Variants in SDF4 observed in about 807,000 individuals in gnomAD.
SDF4 encodes stromal cell derived factor 4, also known as 45 kDa calcium-binding protein.
A neutral mutation model predicts 34.2 loss-of-function variants in SDF4; 22 were observed. The observed-to-expected ratio is 0.64, with a 90% CI of 0.46 to 0.92. The LOEUF (loss-of-function observed/expected upper bound fraction) is 0.92. Ranked by LOEUF, SDF4 falls within the 40% of genes least tolerant of loss-of-function variation. SDF4 has a pLI of 0.00. For synonymous variants in SDF4, 236 were observed against 203.1 expected, an observed-to-expected ratio of 1.16 and a Z score of -1.38; for missense variants, 447 against 499.9, an observed-to-expected ratio of 0.89 and a Z score of 1.01.
chr1:1,221,716 T>G (rs896753768), intron 4 of SDF4, among the ~76,000 whole-genome samples: 1 of 152,132 alleles, frequency 6.6e-6, no homozygotes, highest in South Asian at 2.1e-4. Flanking sequence ...ATCCCAGCAC[T>G]TTGGGAGACT....
At chr1:1,222,843 C>A (rs1414163751) in intron 4 of SDF4, among the ~76,000 whole-genome samples, 1 of 152,262 alleles carries the variant, frequency 6.6e-6, no homozygotes, top group Non-Finnish European at 1.5e-5. Context: ...GCTGTTAAGA[C>A]GAACACGTGT....
chr1:1,225,000 G>A (rs748092141), intron 2 of SDF4, among the ~76,000 whole-genome samples: 4 of 152,326 alleles, frequency 2.6e-5, no homozygotes, highest in Non-Finnish European at 4.4e-5. Flanking sequence ...TTGTGTGCAA[G>A]GATGGAAGAG....
chr1:1,229,182 C>T (rs1638415474), intron 1 of SDF4, among the ~76,000 whole-genome samples: 1 of 152,146 alleles, frequency 6.6e-6, no homozygotes, highest in Admixed American at 6.5e-5. Context: ...CTCCGGACCA[C>T]ACGTGGTGTT....
In SDF4 at chr1:1,217,910, G is replaced by A. The variant is rs1379288402; in HGVS notation, c.892-222C>T. On this transcript the variant is annotated intron_variant, in intron 6 of 6. Coordinates refer to ENST00000360001, the MANE Select transcript of SDF4 (RefSeq NM_016176.6). The surrounding 1 kb of genome is among the most constrained non-coding windows in gnomAD (Gnocchi z 8.5). ...GGCCAGCAGGGGTAACGGGGCACAG[G>A]GGCTACACAGGCCTGGACCCCAGTT... is the stretch of plus-strand genomic sequence containing the variant. 2 of 1,257,078 alleles carry A rather than the reference G, an allele frequency of 1.6e-6. No individual in the cohort carries two copies. Among genetic ancestry groups the A allele is most frequent in the Non-Finnish European group, 1.1e-6 (1 of 937,386 alleles). 77.9% of individuals were successfully genotyped at this position (1,257,078 alleles called of 1,614,324 possible).
intron 4 of SDF4, chr1:1,219,206 C>CA: frequency 1.6e-6 from 2 of 1,258,182 alleles, no homozygotes; most frequent in South Asian, 1.5e-5. Context: ...AGCCTGGACC[C>CA]CCCCCTGCCC....
chr1:1,218,055 G>C lies in SDF4; in HGVS notation c.892-367C>G, dbSNP rs1475316639. ...AAAAACAAGCCTACACATGATACCA[G>C]TGAAAACGCTTCAGAGGAAGGTGGT... On this transcript the variant is annotated intron_variant, in intron 6 of 6. Transcript: ENST00000360001. This position sits in a 1 kb window ranked among gnomAD's most constrained non-coding sequence, Gnocchi z 7.9. 1.3e-5 allele frequency among the ~76,000 whole-genome samples: 2 copies of C among 152,356 alleles called. No homozygotes were observed. The highest frequency in any genetic ancestry group is 2.4e-5 in the African/African-American group (1 of 41,582).
intron 2 of SDF4, among the ~76,000 whole-genome samples, chr1:1,224,683 G>A (rs1223728504): frequency 6.6e-6 from 1 of 152,234 alleles, no homozygotes; most frequent in Admixed American, 6.5e-5. Flanking sequence ...GGCTAAGACA[G>A]GTGGATCACT....
At chr1:1,221,049 C>G (rs944369) in intron 4 of SDF4, 130,580 of 327,128 alleles carry the variant, frequency 0.4, 34,628 homozygotes, top group East Asian at 1. Flanking sequence ...TAGCCCAGGA[C>G]TTTGAGACCA....
intron 2 of SDF4, among the ~76,000 whole-genome samples, chr1:1,227,893 G>C (rs977239876): frequency 6.6e-6 from 1 of 152,160 alleles, no homozygotes; most frequent in African/African-American, 2.4e-5. Flanking sequence ...GACGGCCAAG[G>C]ATGGGCCACT....
intron 2 of SDF4, among the ~76,000 whole-genome samples, chr1:1,226,585 C>CAG (rs1375993164): frequency 1.9e-4 from 29 of 152,010 alleles, no homozygotes; most frequent in African/African-American, 7.0e-4. Flanking sequence ...AGGGACGGGG[C>CAG]CCTACGCAGG....
At chr1:1,220,848 C>T (rs529627704) in intron 4 of SDF4, 7 of 966,240 alleles carry the variant, frequency 7.2e-6, no homozygotes, top group East Asian at 1.2e-4. Flanking sequence ...GCCGGACCAA[C>T]GGGATGAAGC....
At chr1:1,224,310 C>T (rs1638228126) in intron 2 of SDF4, among the ~76,000 whole-genome samples, 6 of 152,184 alleles carry the variant, frequency 3.9e-5, no homozygotes, top group Admixed American at 3.9e-4. Flanking sequence ...GATGGAGTCT[C>T]ACTCTGTCAC....
intron 4 of SDF4, among the ~76,000 whole-genome samples, chr1:1,221,805 C>T (rs1439203163): frequency 6.6e-6 from 1 of 152,086 alleles, no homozygotes; most frequent in Non-Finnish European, 1.5e-5. Flanking sequence ...ACAAAAAATA[C>T]AAAAATTAGC....
At chr1:1,230,402 G>A (rs528936479) in intron 1 of SDF4, among the ~76,000 whole-genome samples, 5 of 152,240 alleles carry the variant, frequency 3.3e-5, no homozygotes, top group East Asian at 1.9e-4. Flanking sequence ...CACAAACCAA[G>A]AGGGGTACAA....
At chr1:1,222,325 C>T (rs79339398) in intron 4 of SDF4, among the ~76,000 whole-genome samples, 2 of 152,154 alleles carry the variant, frequency 1.3e-5, no homozygotes, top group South Asian at 2.1e-4. Flanking sequence ...GACCTGGCCC[C>T]GTGCAGGGTG....
At position 1,219,224 on chromosome 1, in the gene SDF4, C is replaced by T. The variant is rs187803327; in HGVS notation, c.557-297G>A. 8.0e-4 allele frequency: 993 copies of T among 1,236,454 alleles called. 18 individuals are homozygous for T. The African/African-American group carries it at 0.015, about 18-fold the overall frequency. The allele number at this position is 1,236,454 out of a possible 1,614,324, so 76.6% of individuals were successfully genotyped here. On this transcript the variant is annotated intron_variant, in intron 4 of 6. Coordinates refer to ENST00000360001, the MANE Select transcript of SDF4 (RefSeq NM_016176.6). ...CTGGACCCCCCCCTGCCCCAGACCC[C>T]CAATACATGGATGGCCCTGACTCCC... is the stretch of plus-strand genomic sequence containing the variant.
Position 1,217,434 on chromosome 1 carries a change from G to C in SDF4, c.*78C>G. On this transcript the variant is annotated 3_prime_UTR_variant, in exon 7 of 7. Coordinates refer to ENST00000360001, the MANE Select transcript of SDF4 (RefSeq NM_016176.6). The surrounding 1 kb of genome is among the most constrained non-coding windows in gnomAD (Gnocchi z 8.5). ...GCGGCAGGGAAGAGGTGGGGTCCGG[G>C]ACAGCCACGGAGCCCGGAGTCACCC... The C allele has an allele frequency of 8.0e-7, 1 of 1,257,638 alleles. No individual in the cohort carries two copies. Among genetic ancestry groups the C allele is most frequent in the Non-Finnish European group, 1.0e-6 (1 of 977,654 alleles). The allele number at this position is 1,257,638 out of a possible 1,614,324, so 77.9% of individuals were successfully genotyped here. A position where few individuals can be genotyped will look rare whatever the true frequency, so the allele number is the denominator to read the frequency against.
At chr1:1,220,896 G>T in intron 4 of SDF4, 1 of 525,250 alleles carries the variant, frequency 1.9e-6, no homozygotes, top group Non-Finnish European at 3.2e-6. Context: ...ACGCGGGACC[G>T]GGGTGGAGGC....
At position 1,218,007 on chromosome 1, in the gene SDF4, G is replaced by A. The variant is rs1325336384; in HGVS notation, c.892-319C>T. Among the ~76,000 whole-genome samples the A allele has an allele frequency of 6.6e-6, 1 of 152,218 alleles. No individual in the cohort carries two copies. Among genetic ancestry groups the A allele is most frequent in the African/African-American group, 2.4e-5 (1 of 41,470 alleles). The stretch of plus-strand genomic sequence containing the variant: ...ATCACAGGATTCTACATAAAAACAA[G>A]ATGACTCACTCAGCAGTGGGAGAAA... On this transcript the variant is annotated intron_variant, in intron 6 of 6. Coordinates refer to ENST00000360001, the MANE Select transcript of SDF4 (RefSeq NM_016176.6). This position sits in a 1 kb window ranked among gnomAD's most constrained non-coding sequence, Gnocchi z 7.9.
Sources: allele counts gnomAD v4.1 joint callset (sites outside exome capture counted in the v4.1 genomes callset), GRCh38; gene constraint gnomAD v4.1.1; non-coding constraint Gnocchi (gnomAD v3.1); transcripts MANE v1.5; gene names NCBI Gene and HGNC (gene_info 2026-07-23, HGNC 2026-07-21).